PPARG: variants seen among roughly 807,000 people sequenced by gnomAD.
PPARG encodes the protein peroxisome proliferator activated receptor gamma, also known as peroxisome proliferator-activated receptor gamma.
In PPARG, 17 loss-of-function variants were observed where a neutral mutation model predicts 39.2. The ratio of observed to expected loss-of-function variants is 0.43; its 90% CI spans 0.30 to 0.65. PPARG has a LOEUF of 0.65. Ranked by LOEUF, PPARG falls within the 30% of genes least tolerant of loss-of-function variation. The pLI is 0.13. For missense variants in PPARG, 406 were observed against 585.9 expected (o/e 0.69, Z 3.17); for synonymous variants, 223 against 215.7 (o/e 1.03, Z -0.30).
intron 2 of PPARG, among the ~76,000 whole-genome samples, chr3:12,354,280 C>A (rs1431936003): frequency 6.6e-6 from 1 of 152,110 alleles, no homozygotes; most frequent in Non-Finnish European, 1.5e-5. Flanking sequence ...TTTAAGCACG[C>A]CATTTTTCTT....
intron 7 of PPARG, among the ~76,000 whole-genome samples, chr3:12,432,340 T>TGTA: frequency 6.6e-6 from 1 of 152,246 alleles, no homozygotes; most frequent in Non-Finnish European, 1.5e-5. Context: ...TAAGGAACTC[T>TGTA]ATTAATGTAA....
intron 5 of PPARG, among the ~76,000 whole-genome samples, chr3:12,402,746 G>A (rs1439858620): frequency 6.6e-6 from 1 of 152,052 alleles, no homozygotes; most frequent in African/African-American, 2.4e-5. Context: ...GACTCTGATA[G>A]GCTCTGCCTC....
chr3:12,426,359 G>A (rs910431154), intron 7 of PPARG, among the ~76,000 whole-genome samples: 7 of 152,222 alleles, frequency 4.6e-5, no homozygotes, highest in Non-Finnish European at 7.3e-5. Flanking sequence ...GCATTTGCAA[G>A]ATCTCTATTT....
chr3:12,345,052 A>G (rs1435763195), intron 2 of PPARG, among the ~76,000 whole-genome samples: 1 of 151,996 alleles, frequency 6.6e-6, no homozygotes, highest in East Asian at 1.9e-4. Context: ...GTGAGTTTCA[A>G]ACGAAATAAA....
intron 1 of PPARG, among the ~76,000 whole-genome samples, chr3:12,290,738 C>T (rs986423432): frequency 6.6e-6 from 1 of 152,024 alleles, no homozygotes; most frequent in African/African-American, 2.4e-5. Flanking sequence ...AGCCACTAAC[C>T]TTAATTATCA....
At chr3:12,365,564 G>C (rs1348836206) in intron 2 of PPARG, among the ~76,000 whole-genome samples, 2 of 151,846 alleles carry the variant, frequency 1.3e-5, no homozygotes, top group African/African-American at 4.8e-5. Flanking sequence ...AAGAGAATAA[G>C]CTCTGTGTCT....
chr3:12,379,961 A>C, intron 3 of PPARG, 30 bp downstream of exon 3: 1 of 1,533,190 alleles, frequency 6.5e-7, no homozygotes, highest in Non-Finnish European at 9.0e-7. Flanking sequence ...TTTTCAGACT[A>C]CTAGGACTAG....
At chr3:12,360,708 TC>T (rs951610979) in intron 2 of PPARG, among the ~76,000 whole-genome samples, 2 of 152,188 alleles carry the variant, frequency 1.3e-5, no homozygotes, top group African/African-American at 4.8e-5. Flanking sequence ...CTCTTTTGTG[TC>T]TGGATTCTTT....
In PPARG at chr3:12,379,744, C is replaced by T; in HGVS notation, c.33C>T (p.Thr11=). The T allele has an allele frequency of 6.2e-7, 1 of 1,614,016 alleles. No homozygotes were observed. The highest frequency in any genetic ancestry group is 8.5e-7 in the Non-Finnish European group (1 of 1,179,932). Residue 11 remains threonine, a synonymous_variant, in exon 3 of 8, where the codon ACC becomes ACT. Transcript: ENST00000651735. ...ACACAGAGATGCCATTCTGGCCCACCAACTTTGGGATCAGCTCCGTGGATC... is the reference window on the plus strand; with the variant it reads ...ACACAGAGATGCCATTCTGGCCCACTAACTTTGGGATCAGCTCCGTGGATC... MVDTEMPFWP[T]NFGISSVDLS...
intron 1 of PPARG, among the ~76,000 whole-genome samples, chr3:12,306,582 C>A (rs2047069963): frequency 6.6e-6 from 1 of 152,168 alleles, no homozygotes; most frequent in Admixed American, 6.5e-5. Context: ...CCCATCACCA[C>A]CGCCACCACT....
chr3:12,370,627 A>G (rs2049177491), intron 2 of PPARG, among the ~76,000 whole-genome samples: 1 of 152,212 alleles, frequency 6.6e-6, no homozygotes. Flanking sequence ...CTCCTCAAAT[A>G]TTGCACACTG....
intron 2 of PPARG, among the ~76,000 whole-genome samples, chr3:12,347,374 G>A (rs969277020): frequency 6.6e-6 from 1 of 152,158 alleles, no homozygotes; most frequent in Middle Eastern, 3.4e-3. Context: ...ATTGAACATT[G>A]ACCTTCCTTT....
At chr3:12,332,865 T>C (rs1421634539) in intron 2 of PPARG, among the ~76,000 whole-genome samples, 5 of 152,004 alleles carry the variant, frequency 3.3e-5, no homozygotes, top group African/African-American at 1.2e-4. Flanking sequence ...ACCCCATCTC[T>C]ACAAAAAATT....
chr3:12,406,258 A>G, intron 6 of PPARG, 177 bp downstream of exon 6: 1 of 686,342 alleles, frequency 1.5e-6, no homozygotes, highest in Admixed American at 2.4e-5. Context: ...AGATAGCACA[A>G]GTCAACATTA....
intron 2 of PPARG, among the ~76,000 whole-genome samples, chr3:12,379,102 G>T (rs1429238486): frequency 6.6e-6 from 1 of 151,896 alleles, no homozygotes; most frequent in African/African-American, 2.4e-5. Context: ...TGCCTCCCAG[G>T]TTCAAGTGAT....
chr3:12,354,041 A>G (rs2048576978), intron 2 of PPARG, among the ~76,000 whole-genome samples: 1 of 152,222 alleles, frequency 6.6e-6, no homozygotes, highest in South Asian at 2.1e-4. Flanking sequence ...GCTGCAATAG[A>G]CAATCCTTCA....
At chr3:12,347,106 C>T (rs2048348469) in intron 2 of PPARG, among the ~76,000 whole-genome samples, 1 of 151,562 alleles carries the variant, frequency 6.6e-6, no homozygotes, top group African/African-American at 2.4e-5. Flanking sequence ...TTTCTTGAAT[C>T]TGGGAGGTGG....
At chr3:12,351,501 C>G in intron 2 of PPARG, 1 of 991,456 alleles carries the variant, frequency 1.0e-6, no homozygotes, top group Non-Finnish European at 1.6e-6. Flanking sequence ...AATTCTGTTA[C>G]TTCAAGTCTT....
At chr3:12,291,677 T>C (rs2046652141) in intron 1 of PPARG, among the ~76,000 whole-genome samples, 1 of 152,198 alleles carries the variant, frequency 6.6e-6, no homozygotes, top group Admixed American at 6.5e-5. Flanking sequence ...ATATCTGTCA[T>C]CAATAATAGT....
Sources: allele counts gnomAD v4.1 joint callset (sites outside exome capture counted in the v4.1 genomes callset), GRCh38; gene constraint gnomAD v4.1.1; transcripts MANE v1.5; gene names NCBI Gene and HGNC (gene_info 2026-07-23, HGNC 2026-07-21).